Variants in KCNIP4 observed in about 807,000 individuals in gnomAD.
KCNIP4 encodes potassium voltage-gated channel interacting protein 4, also known as Kv channel-interacting protein 4.
Under a neutral mutation model 34.0 loss-of-function variants are expected in KCNIP4, and 12 were observed. The ratio of observed to expected loss-of-function variants is 0.35; its 90% confidence interval spans 0.23 to 0.57. The LOEUF (loss-of-function observed/expected upper bound fraction) is 0.57. Among genes scored for constraint, KCNIP4 ranks in the 20% least tolerant of loss-of-function variants. The probability of loss-of-function intolerance (pLI) is 0.83; values close to 1 mark genes in which losing one functional copy is unlikely to be tolerated. For missense variants in KCNIP4, 238 were observed against 311.7 expected (o/e 0.76, Z 1.78); for synonymous variants, 124 against 102.2 (o/e 1.21, Z -1.29).
chr4:20,856,207 C>A (rs930001846), intron 2 of KCNIP4, among the ~76,000 whole-genome samples: 1 of 152,152 alleles, frequency 6.6e-6, no homozygotes, highest in South Asian at 2.1e-4. Context: ...ATGCAATAGA[C>A]CTCATGTAAA....
At chr4:21,866,288 A>C (rs997462522) in intron 1 of KCNIP4, among the ~76,000 whole-genome samples, 2 of 152,174 alleles carry the variant, frequency 1.3e-5, no homozygotes, top group Non-Finnish European at 2.9e-5. Context: ...ACTAACTGAA[A>C]TTTGTTATGT....
At position 21,234,477 on chromosome 4, in the gene KCNIP4, TAC is replaced by T. The variant is rs1260302959; in HGVS notation, c.62-351770_62-351769del. Among the ~76,000 whole-genome samples the T allele has an allele frequency of 7.4e-4, 75 of 101,514 alleles. 17 individuals are homozygous for T. Among genetic ancestry groups the T allele is most frequent in the East Asian group, 1.5e-3 (5 of 3,442 alleles). 66.6% of individuals were successfully genotyped at this position (101,514 alleles called of 152,430 possible). On this transcript the variant is annotated intron_variant, in intron 1 of 8. Transcript: ENST00000382152. The stretch of plus-strand genomic sequence containing the variant: ...TACATATAACGTATATAATATATAG[TAC>T]ATATAACGTATATAATATATATTAC...
At chr4:20,910,153 T>G (rs1467874170) in intron 1 of KCNIP4, among the ~76,000 whole-genome samples, 12 of 152,198 alleles carry the variant, frequency 7.9e-5, no homozygotes, top group Non-Finnish European at 1.8e-4. Context: ...ATGATTTTCT[T>G]CATTCTAAAT....
rs955493265 is a variant in KCNIP4, at chr4:21,027,179, G to T, written c.62-144470C>A. Reference sequence around the variant, plus strand: ...TGTCGGTAATGGAGGTAGACTAAAAGAAATTGAAAGGTTTAATCGGGGTCA... The same window carrying T: ...TGTCGGTAATGGAGGTAGACTAAAATAAATTGAAAGGTTTAATCGGGGTCA... On this transcript the variant is annotated intron_variant, in intron 1 of 8. Coordinates refer to ENST00000382152, the MANE Select transcript of KCNIP4 (RefSeq NM_025221.6). Among the ~76,000 whole-genome samples the T allele has an allele frequency of 3.3e-5, 5 of 152,148 alleles. No homozygotes were observed. The East Asian group carries it at 7.7e-4, about 23-fold the overall frequency.
chr4:21,183,083 A>T (rs1350619090), intron 1 of KCNIP4, among the ~76,000 whole-genome samples: 1 of 152,152 alleles, frequency 6.6e-6, no homozygotes, highest in Admixed American at 6.6e-5. Flanking sequence ...TTTAGATTTC[A>T]CATATATGTG....
intron 1 of KCNIP4, among the ~76,000 whole-genome samples, chr4:21,459,910 A>G (rs1037619815): frequency 1.3e-5 from 2 of 151,814 alleles, no homozygotes; most frequent in African/African-American, 4.8e-5. Context: ...AATTATTGCA[A>G]TATCTTTCCA....
At chr4:21,329,349 G>A (rs1161489061) in intron 1 of KCNIP4, among the ~76,000 whole-genome samples, 1 of 152,180 alleles carries the variant, frequency 6.6e-6, no homozygotes, top group Non-Finnish European at 1.5e-5. Context: ...GGCAGGATAT[G>A]AATGCATGAA....
intron 1 of KCNIP4, among the ~76,000 whole-genome samples, chr4:21,927,115 C>G (rs900585398): frequency 6.6e-6 from 1 of 152,060 alleles, no homozygotes; most frequent in African/African-American, 2.4e-5. Flanking sequence ...ATCTTCAAAG[C>G]CAAAAACTTT....
At chr4:21,052,720 T>C (rs1743034692) in intron 1 of KCNIP4, among the ~76,000 whole-genome samples, 1 of 152,172 alleles carries the variant, frequency 6.6e-6, no homozygotes. Context: ...TCCCCTTCTG[T>C]ACCTCCTCTG....
Position 20,961,840 on chromosome 4 carries a change from G to A in KCNIP4, c.62-79131C>T, listed in dbSNP as rs185732858. Among the ~76,000 whole-genome samples the A allele has an allele frequency of 2.4e-4, 36 of 152,084 alleles. No individual in the cohort carries two copies. In the East Asian group the frequency reaches 6.8e-3, roughly 29 times the overall value. On this transcript the variant is annotated intron_variant, in intron 1 of 8. Transcript: ENST00000382152. ...ACTAATGCACTGTATACACAACTTG[G>A]GAATATCTGCACATACTTTGATTAG... is the stretch of plus-strand genomic sequence containing the variant.
intron 1 of KCNIP4, among the ~76,000 whole-genome samples, chr4:21,896,865 GCCAAGATTGTGACA>G (rs1727417412): frequency 1.3e-5 from 2 of 151,804 alleles, no homozygotes; most frequent in Non-Finnish European, 2.9e-5. Flanking sequence ...GGTGCAGCGA[GCCAAGATTGTGACA>G]CTGCATTCCA....
chr4:21,589,193 T>A (rs1281449250), intron 1 of KCNIP4, among the ~76,000 whole-genome samples: 1 of 44,622 alleles, frequency 2.2e-5, no homozygotes, highest in East Asian at 1.8e-3. Context: ...TATATATATA[T>A]ATATATATGT....
Position 21,190,369 on chromosome 4 carries a change from T to C in KCNIP4, c.62-307660A>G, listed in dbSNP as rs534100072. Among the ~76,000 whole-genome samples, 11 of 152,296 alleles carry C rather than the reference T, an allele frequency of 7.2e-5. No homozygotes were observed. In the South Asian group the frequency reaches 2.3e-3, roughly 32 times the overall value. ...GTATTCATTAGTATTGGTTCGTTGG[T>C]ATTTGGTTCAGCAGTATTGGTTAAT... On this transcript the variant is annotated intron_variant, in intron 1 of 8. Coordinates refer to ENST00000382152, the MANE Select transcript of KCNIP4 (RefSeq NM_025221.6).
intron 1 of KCNIP4, among the ~76,000 whole-genome samples, chr4:21,567,472 C>T (rs571228222): frequency 6.6e-6 from 1 of 151,960 alleles, no homozygotes; most frequent in African/African-American, 2.4e-5. Flanking sequence ...CATGAATAGA[C>T]ACAAGCACCA....
chr4:20,988,657 A>T (rs895148892), intron 1 of KCNIP4, among the ~76,000 whole-genome samples: 1 of 152,248 alleles, frequency 6.6e-6, no homozygotes, highest in Admixed American at 6.5e-5. Context: ...ATCACAATGT[A>T]TATAGAAACT....
At chr4:20,841,536 C>T (rs10452120) in intron 3 of KCNIP4, among the ~76,000 whole-genome samples, 32,761 of 151,964 alleles carry the variant, frequency 0.22, 3,971 homozygotes, top group South Asian at 0.39. Flanking sequence ...TTTCCCTCCC[C>T]TTTTAATCCA....
At chr4:21,122,709 G>A (rs1218478087) in intron 1 of KCNIP4, among the ~76,000 whole-genome samples, 1 of 152,150 alleles carries the variant, frequency 6.6e-6, no homozygotes, top group Non-Finnish European at 1.5e-5. Context: ...AGGAAGTGAG[G>A]TGAGAAGGGC....
intron 1 of KCNIP4, among the ~76,000 whole-genome samples, chr4:21,552,177 A>G (rs1270327146): frequency 6.6e-6 from 1 of 152,098 alleles, no homozygotes; most frequent in African/African-American, 2.4e-5. Flanking sequence ...GAAAATGTTA[A>G]TTCAATATTT....
intron 1 of KCNIP4, among the ~76,000 whole-genome samples, chr4:21,311,545 T>C (rs1463788837): frequency 6.6e-6 from 1 of 151,912 alleles, no homozygotes; most frequent in African/African-American, 2.4e-5. Context: ...AAAAATTAAC[T>C]GGGTGTGATG....
Sources: gnomAD v4.1 joint callset for allele counts (sites outside exome capture counted in the v4.1 genomes callset) on GRCh38, gnomAD v4.1.1 for gene constraint, MANE v1.5 for transcripts, NCBI Gene and HGNC (gene_info 2026-07-23, HGNC 2026-07-21) for gene names.